ADAMTS6: variants seen among roughly 807,000 people sequenced by gnomAD.
The protein encoded by ADAMTS6 is ADAM metallopeptidase with thrombospondin type 1 motif 6, also known as A disintegrin and metalloproteinase with thrombospondin motifs 6.
In ADAMTS6, 23 loss-of-function variants were observed where a neutral mutation model predicts 144.3. The observed-to-expected ratio is 0.16, with a 90% confidence interval of 0.11 to 0.23. ADAMTS6 has a LOEUF of 0.23. Ranked by LOEUF, ADAMTS6 falls within the 10% of genes least tolerant of loss-of-function variation. The pLI, the probability that ADAMTS6 is intolerant of heterozygous loss-of-function variation, is 1.00. For missense variants in ADAMTS6, 999 were observed against 1,379.6 expected (o/e 0.72, Z 4.37); for synonymous variants, 444 against 457.5 (o/e 0.97, Z 0.38).
chr5:65,199,643 G>A (rs1054605082), intron 20 of ADAMTS6, among the ~76,000 whole-genome samples: 14 of 152,104 alleles, frequency 9.2e-5, no homozygotes. Flanking sequence ...GCTCTTTAGT[G>A]GGATCCAGTA....
chr5:65,280,861 C>T (rs1762933442), intron 11 of ADAMTS6, among the ~76,000 whole-genome samples: 1 of 152,136 alleles, frequency 6.6e-6, no homozygotes, highest in Non-Finnish European at 1.5e-5. Context: ...GAGGAGAAGT[C>T]AGTTCAATCA....
intron 4 of ADAMTS6, among the ~76,000 whole-genome samples, chr5:65,456,746 ATACT>A (rs1410694108): frequency 3.3e-5 from 5 of 152,198 alleles, no homozygotes; most frequent in African/African-American, 4.8e-5. Flanking sequence ...GACTAGAAGA[ATACT>A]TAGTTATCTC....
At chr5:65,436,113 C>CA (rs1051995931) in intron 7 of ADAMTS6, among the ~76,000 whole-genome samples, 1 of 152,064 alleles carries the variant, frequency 6.6e-6, no homozygotes, top group African/African-American at 2.4e-5. Flanking sequence ...CCTATAATCC[C>CA]AGCACTTTGG....
intron 2 of ADAMTS6, among the ~76,000 whole-genome samples, chr5:65,471,623 C>G (rs1167817071): frequency 6.6e-6 from 1 of 151,868 alleles, no homozygotes; most frequent in South Asian, 2.1e-4. Flanking sequence ...CCGGGCGTTG[C>G]GGCACACGCC....
intron 10 of ADAMTS6, 103 bp from the exon 11 acceptor site, chr5:65,291,573 G>T: frequency 1.7e-6 from 2 of 1,208,972 alleles, no homozygotes; most frequent in Non-Finnish European, 1.1e-6. Flanking sequence ...CTTGACGCAT[G>T]AAAAACAATA....
chr5:65,455,818 TA>T (rs903957999), intron 4 of ADAMTS6, among the ~76,000 whole-genome samples: 7 of 151,296 alleles, frequency 4.6e-5, no homozygotes, highest in African/African-American at 1.2e-4. Flanking sequence ...ATAATAATAA[TA>T]AAAAAAACAA....
At chr5:65,314,147 T>C (rs7710950) in intron 9 of ADAMTS6, among the ~76,000 whole-genome samples, 41,496 of 151,924 alleles carry the variant, frequency 0.27, 6,538 homozygotes, top group South Asian at 0.39. Flanking sequence ...AAGAGATAGA[T>C]AATTAATGTG....
intron 11 of ADAMTS6, among the ~76,000 whole-genome samples, chr5:65,287,382 G>A (rs930760347): frequency 2.0e-5 from 3 of 152,102 alleles, no homozygotes; most frequent in South Asian, 2.1e-4. Flanking sequence ...TGCTACCTGT[G>A]TTTCATTAAC....
chr5:65,466,831 A>G (rs984474567), intron 3 of ADAMTS6, among the ~76,000 whole-genome samples: 7 of 152,216 alleles, frequency 4.6e-5, no homozygotes, highest in Non-Finnish European at 8.8e-5. Context: ...TCACGAGGTC[A>G]GGAGATCGAG....
intron 11 of ADAMTS6, among the ~76,000 whole-genome samples, chr5:65,285,963 C>T (rs1183544087): frequency 6.6e-6 from 1 of 152,184 alleles, no homozygotes; most frequent in Non-Finnish European, 1.5e-5. Context: ...GGCATTTGAG[C>T]TGAGACTGAA....
chr5:65,283,575 CAAAT>C (rs1189384600), intron 11 of ADAMTS6, among the ~76,000 whole-genome samples: 3 of 152,092 alleles, frequency 2.0e-5, no homozygotes, highest in African/African-American at 7.2e-5. Context: ...AGAAAAAAAT[CAAAT>C]AAACTTCTTG....
intron 11 of ADAMTS6, among the ~76,000 whole-genome samples, chr5:65,275,395 GAAAGAA>G (rs1762421869): frequency 7.6e-6 from 1 of 131,240 alleles, no homozygotes; most frequent in South Asian, 2.5e-4. Flanking sequence ...AAGAAAGAAA[GAAAGAA>G]AGAAAGAAAG....
In ADAMTS6 at chr5:65,172,915, C is replaced by G; in HGVS notation, c.3004G>C (p.Glu1002Gln). The G allele has an allele frequency of 6.2e-7, 1 of 1,614,232 alleles. No individual in the cohort carries two copies. Among genetic ancestry groups the G allele is most frequent in the Non-Finnish European group, 8.5e-7 (1 of 1,180,040 alleles). Residue 1002 changes from glutamate (E) to glutamine (Q), a missense_variant, in exon 23 of 25, where the codon GAG (glutamate) becomes CAG (glutamine). Glu to Gln is a conservative substitution (Grantham distance 29). Coordinates refer to ENST00000381055, the MANE Select transcript of ADAMTS6 (RefSeq NM_197941.4). The part of the protein sequence containing the change: ...SKTFPAAQCP[E>Q]ESKPPVRIRC... ...ATGCGGACAGGAGGTTTGCTTTCCTCTGGACATTGTGCAGCTGGGAATGTC... is the reference window on the plus strand; with the variant it reads ...ATGCGGACAGGAGGTTTGCTTTCCTGTGGACATTGTGCAGCTGGGAATGTC...
intron 14 of ADAMTS6, among the ~76,000 whole-genome samples, chr5:65,253,668 A>G (rs1446177776): frequency 6.6e-6 from 1 of 152,120 alleles, no homozygotes; most frequent in Non-Finnish European, 1.5e-5. Context: ...CATCACTGGA[A>G]AAAAGAACAT....
intron 13 of ADAMTS6, among the ~76,000 whole-genome samples, chr5:65,261,735 A>T (rs1473240872): frequency 2.0e-5 from 3 of 152,260 alleles, no homozygotes; most frequent in South Asian, 2.1e-4. Context: ...TGGTTTATGA[A>T]TGGGTAACAG....
intron 7 of ADAMTS6, among the ~76,000 whole-genome samples, chr5:65,338,659 G>T (rs1747536793): frequency 6.6e-6 from 1 of 152,078 alleles, no homozygotes; most frequent in Non-Finnish European, 1.5e-5. Context: ...CAGCCAAGCA[G>T]CTGTGTGCCT....
intron 7 of ADAMTS6, among the ~76,000 whole-genome samples, chr5:65,414,152 C>T (rs1755297799): frequency 6.6e-6 from 1 of 152,120 alleles, no homozygotes; most frequent in African/African-American, 2.4e-5. Context: ...GCTAAGTTTT[C>T]CCCAGTTTAC....
intron 14 of ADAMTS6, among the ~76,000 whole-genome samples, chr5:65,247,557 A>T (rs909825714): frequency 1.3e-5 from 2 of 152,166 alleles, no homozygotes; most frequent in Non-Finnish European, 2.9e-5. Flanking sequence ...CCTTCAAGAG[A>T]AATACACATC....
intron 7 of ADAMTS6, among the ~76,000 whole-genome samples, chr5:65,437,316 G>A (rs571027224): frequency 2.6e-5 from 4 of 152,068 alleles, no homozygotes; most frequent in East Asian, 1.9e-4. Context: ...GGATGGTCTC[G>A]ATATCCTGAC....
Sources: allele counts gnomAD v4.1 joint callset (sites outside exome capture counted in the v4.1 genomes callset), GRCh38; gene constraint gnomAD v4.1.1; transcripts MANE v1.5; gene names NCBI Gene and HGNC (gene_info 2026-07-23, HGNC 2026-07-21).